GID4: variants seen among roughly 807,000 people sequenced by gnomAD.
GID4 encodes the protein GID complex subunit 4 homolog, also known as glucose-induced degradation protein 4 homolog.
Under a neutral mutation model 32.4 loss-of-function variants are expected in GID4, and 7 were observed. The observed-to-expected ratio is 0.22, with a 90% confidence interval of 0.12 to 0.41. The LOEUF is 0.41. GID4 is among the 10% of genes least tolerant of loss of function. The probability of loss-of-function intolerance (pLI) is 1.00; values close to 1 mark genes in which losing one functional copy is unlikely to be tolerated. For missense variants in GID4, 309 were observed against 400.0 expected, an observed-to-expected ratio of 0.77 and a Z score of 1.94; for synonymous variants, 166 against 170.0, an observed-to-expected ratio of 0.98 and a Z score of 0.18.
At chr17:18,056,807 G>GT in intron 3 of GID4, 1 of 1,550,638 alleles carries the variant, frequency 6.4e-7, no homozygotes. Context: ...CATGTGAGGT[G>GT]TGGTTGAGCC....
At chr17:18,043,083 T>A (rs2044818532) in intron 1 of GID4, among the ~76,000 whole-genome samples, 1 of 152,186 alleles carries the variant, frequency 6.6e-6, no homozygotes, top group Non-Finnish European at 1.5e-5. Flanking sequence ...GGAGCCCTGG[T>A]CGCTGTGAAA....
rs2045016306 is a variant in GID4 at position 18,061,369 on chromosome 17, A to G, written c.709-476A>G. Among the ~76,000 whole-genome samples the G allele has an allele frequency of 1.3e-5, 2 of 152,286 alleles. No individual in the cohort carries two copies. The highest frequency in any genetic ancestry group is 3.4e-3 in the Middle Eastern group (1 of 294). On this transcript the variant is annotated intron_variant, in intron 4 of 5. Coordinates refer to ENST00000268719, the MANE Select transcript of GID4 (RefSeq NM_024052.5). This position sits in a 1 kb window ranked among gnomAD's most constrained non-coding sequence, Gnocchi z 4.4. ...TCTTGGAGGGGGTGTCACAGGGGCT[A>G]CTGGCAACTGCTTTGCACTCAGAAT...
intron 1 of GID4, among the ~76,000 whole-genome samples, 189 bp downstream of exon 1, chr17:18,040,091 C>G (rs892363735): frequency 5.9e-5 from 9 of 152,142 alleles, no homozygotes; most frequent in African/African-American, 1.9e-4. Context: ...CCTGACCTGC[C>G]CCTTCGGACC....
At chr17:18,055,940 C>T (rs1355901414) in intron 3 of GID4, among the ~76,000 whole-genome samples, 1 of 152,152 alleles carries the variant, frequency 6.6e-6, no homozygotes, top group African/African-American at 2.4e-5. Context: ...CTGCAACCTC[C>T]GCCTCCCAGA....
In GID4 at chr17:18,066,252, C is replaced by A. The variant is rs182753419; in HGVS notation, c.*1009C>A. Reference sequence around the variant, plus strand: ...GCAGCATTGCCTAAATTATAGTGCTCAACACAAGAACTGTTTTTGGGGCCA... The same window carrying A: ...GCAGCATTGCCTAAATTATAGTGCTAAACACAAGAACTGTTTTTGGGGCCA... On this transcript the variant is annotated 3_prime_UTR_variant, in exon 6 of 6. Transcript: ENST00000268719. 78 of 152,668 alleles carry A rather than the reference C, an allele frequency of 5.1e-4. No individual in the cohort carries two copies. Among genetic ancestry groups the A allele is most frequent in the Admixed American group, 2.7e-3 (42 of 15,292 alleles). The allele number at this position is 152,668 out of a possible 1,614,324, so 9.5% of individuals were successfully genotyped here. A position where few individuals can be genotyped will look rare whatever the true frequency, so the allele number is the denominator to read the frequency against.
intron 5 of GID4, among the ~76,000 whole-genome samples, chr17:18,062,618 C>T (rs143198461): frequency 2.0e-4 from 31 of 152,264 alleles, no homozygotes; most frequent in Admixed American, 9.2e-4. Flanking sequence ...TCTTTCTTTC[C>T]AGTATTTAAC....
rs571269621 is a variant in GID4, at chr17:18,040,128, C to A, written c.438+226C>A. On this transcript the variant is annotated intron_variant, in intron 1 of 5. Transcript: ENST00000268719. ...AGAGCCCGTCGTGACCGGCTCCTGG[C>A]GGACCCCGAACACTCCCAGACTTGA... Among the ~76,000 whole-genome samples, 9 of 152,224 alleles carry A rather than the reference C, an allele frequency of 5.9e-5. No homozygotes were observed. The South Asian group carries it at 1.9e-3, about 32-fold the overall frequency.
rs10648639 is a variant in GID4 at position 18,066,451 on chromosome 17, AGT to A, written c.*1241_*1242del. Reference sequence around the variant, plus strand: ...AAATAACTCGAGGCTCACGTGCCAAAGTGTGTGTGTGTGTGTGTGTGTGTGTG... The same window carrying A: ...AAATAACTCGAGGCTCACGTGCCAAAGTGTGTGTGTGTGTGTGTGTGTGTG... On this transcript the variant is annotated 3_prime_UTR_variant, in exon 6 of 6. Transcript: ENST00000268719. The A allele has an allele frequency of 0.19, 28,181 of 146,332 alleles. 2,846 individuals carry two copies. Among genetic ancestry groups the A allele is most frequent in the African/African-American group, 0.29 (11,491 of 39,722 alleles). The allele number at this position is 146,332 out of a possible 1,614,324, so 9.1% of individuals were successfully genotyped here.
chr17:18,051,124 G>A (rs2044905426), intron 2 of GID4, among the ~76,000 whole-genome samples: 1 of 152,146 alleles, frequency 6.6e-6, no homozygotes, highest in African/African-American at 2.4e-5. Context: ...GAAAACTAGT[G>A]ATTTAAACCA....
intron 1 of GID4, 128 bp from the exon 2 acceptor site, chr17:18,045,019 T>G (rs1396601893): frequency 5.0e-6 from 3 of 597,516 alleles, no homozygotes; most frequent in Non-Finnish European, 9.1e-6. Context: ...AGAGACTGGG[T>G]GAGCCTTGGA....
intron 3 of GID4, among the ~76,000 whole-genome samples, chr17:18,056,329 G>A (rs1181601488): frequency 6.6e-6 from 1 of 152,226 alleles, no homozygotes; most frequent in Admixed American, 6.5e-5. Flanking sequence ...TGTGATACAA[G>A]AGAATGCACA....
chr17:18,048,434 C>T (rs774546269), intron 2 of GID4, among the ~76,000 whole-genome samples: 2 of 152,018 alleles, frequency 1.3e-5, no homozygotes, highest in Non-Finnish European at 2.9e-5. Flanking sequence ...CCTCAAATGT[C>T]CACCCTCCTT....
intron 3 of GID4, among the ~76,000 whole-genome samples, chr17:18,057,999 A>G (rs1274627199): frequency 1.3e-5 from 2 of 151,868 alleles, no homozygotes; most frequent in Non-Finnish European, 2.9e-5. Flanking sequence ...CACCCAACTA[A>G]TTTTTTCATA....
At position 18,039,588 on chromosome 17, in the gene GID4, C is replaced by T. The variant is rs2044762875; in HGVS notation, c.124C>T (p.Pro42Ser). The change falls in exon 1 of 6, where the codon CCC becomes TCC. Residue 42 changes from proline (P) to serine (S), a missense_variant. This residue lies in a region of GID4 where 193 missense variants were observed against 185.8 expected (regional missense o/e 1.04). Coordinates refer to ENST00000268719, the MANE Select transcript of GID4 (RefSeq NM_024052.5). This position sits in a 1 kb window ranked among gnomAD's most constrained non-coding sequence, Gnocchi z 5.3. The part of the protein sequence containing the change: ...LLRRQRAGGR[P>S]SRPHPARARP... Reference sequence around the variant, plus strand: ...CCGCAGGCAGCGGGCGGGTGGTCGCCCCTCCCGCCCCCACCCCGCGCGTGC... The same window carrying T: ...CCGCAGGCAGCGGGCGGGTGGTCGCTCCTCCCGCCCCCACCCCGCGCGTGC... 1.5e-6 allele frequency: 2 copies of T among 1,294,512 alleles called. No individual in the cohort carries two copies. Among genetic ancestry groups the T allele is most frequent in the African/African-American group, 1.6e-5 (1 of 64,388 alleles). The allele number at this position is 1,294,512 out of a possible 1,614,324, so 80.2% of individuals were successfully genotyped here. A position where few individuals can be genotyped will look rare whatever the true frequency, so the allele number is the denominator to read the frequency against.
At position 18,065,547 on chromosome 17, in the gene GID4, A is replaced by G. The variant is rs1002024779; in HGVS notation, c.*304A>G. 5.4e-6 allele frequency: 2 copies of G among 367,498 alleles called. No individual in the cohort carries two copies. Among genetic ancestry groups the G allele is most frequent in the Non-Finnish European group, 1.0e-5 (2 of 195,300 alleles). 22.8% of individuals were successfully genotyped at this position (367,498 alleles called of 1,614,324 possible). ...TAACTTCTACATCACTGAAATGCCC[A>G]TTCCTTCCTCCGTCCCACCTCCAGC... On this transcript the variant is annotated 3_prime_UTR_variant, in exon 6 of 6. Coordinates refer to ENST00000268719, the MANE Select transcript of GID4 (RefSeq NM_024052.5).
rs974828312 is a variant in GID4 at position 18,041,236 on chromosome 17, G to A, written c.438+1334G>A. On this transcript the variant is annotated intron_variant, in intron 1 of 5. Transcript: ENST00000268719. Reference sequence around the variant, plus strand: ...ACCCCCCGGGGTGTGAGGGTGGAATGTACAGTATATTTATTCCTCAAGCTC... The same window carrying A: ...ACCCCCCGGGGTGTGAGGGTGGAATATACAGTATATTTATTCCTCAAGCTC... 5.3e-5 allele frequency among the ~76,000 whole-genome samples: 8 copies of A among 152,106 alleles called. No individual in the cohort carries two copies. The East Asian group carries it at 5.8e-4, about 11-fold the overall frequency.
At chr17:18,045,763 A>G (rs553114960) in intron 2 of GID4, among the ~76,000 whole-genome samples, 1 of 151,946 alleles carries the variant, frequency 6.6e-6, no homozygotes, top group South Asian at 2.1e-4. Context: ...GCATGGTGGC[A>G]CAGACCTGTA....
At chr17:18,046,945 A>T (rs981021428) in intron 2 of GID4, among the ~76,000 whole-genome samples, 1 of 131,802 alleles carries the variant, frequency 7.6e-6, no homozygotes, top group Non-Finnish European at 1.7e-5. Flanking sequence ...AAAAAAAAAA[A>T]TCCCTGCTCT....
At chr17:18,045,881 G>T (rs541554427) in intron 2 of GID4, among the ~76,000 whole-genome samples, 324 of 142,170 alleles carry the variant, frequency 2.3e-3, no homozygotes, top group African/African-American at 8.1e-3. Flanking sequence ...AACAGAGCAA[G>T]ACCCTGTCTC....
Sources: gnomAD v4.1 joint callset for allele counts (sites outside exome capture counted in the v4.1 genomes callset) on GRCh38, gnomAD v4.1.1 for gene constraint, gnomAD v4.1.1 regional missense constraint, Gnocchi (gnomAD v3.1) non-coding constraint, MANE v1.5 for transcripts, NCBI Gene and HGNC (gene_info 2026-07-23, HGNC 2026-07-21) for gene names.